Variants in ING3 observed in about 807,000 individuals in gnomAD.
ING3 encodes the protein inhibitor of growth protein 3.
ING3 carries 6 observed loss-of-function variants against 64.8 expected under a neutral mutation model. The ratio of observed to expected loss-of-function variants is 0.09; its 90% confidence interval spans 0.05 to 0.18. ING3 has a LOEUF of 0.18. Ranked by LOEUF, ING3 falls within the 10% of genes least tolerant of loss-of-function variation. The pLI, the probability that ING3 is intolerant of heterozygous loss-of-function variation, is 1.00. For synonymous variants in ING3, 170 were observed against 173.7 expected (o/e 0.98, Z 0.17); for missense variants, 310 against 489.7 (o/e 0.63, Z 3.46).
intron 4 of ING3, chr7:120,956,146 T>C (rs1441707480): frequency 6.3e-7 from 1 of 1,577,758 alleles, no homozygotes. Context: ...TTAAACAAGA[T>C]TCTTTTTTTG....
chr7:120,968,845 CAAA>C (rs377274991), intron 8 of ING3, among the ~76,000 whole-genome samples, 163 bp from the exon 9 acceptor site: 13 of 59,282 alleles, frequency 2.2e-4, no homozygotes, highest in African/African-American at 4.4e-4. Context: ...AACTCCACCT[CAAA>C]AAAAAAAAAA....
At chr7:120,967,732 A>G in intron 7 of ING3, 84 bp downstream of exon 7, 1 of 1,404,180 alleles carries the variant, frequency 7.1e-7, no homozygotes, top group South Asian at 1.4e-5. Flanking sequence ...TTAATGAATC[A>G]TACAGTTTCT....
At chr7:120,956,707 A>G (rs981326116) in intron 4 of ING3, 1 of 983,570 alleles carries the variant, frequency 1.0e-6, no homozygotes, top group Non-Finnish European at 1.2e-6. Flanking sequence ...AAAAGGTCTT[A>G]ATTGTTTCAG....
chr7:120,963,653 C>A, intron 4 of ING3, among the ~76,000 whole-genome samples: 1 of 152,116 alleles, frequency 6.6e-6, no homozygotes, highest in East Asian at 1.9e-4. Flanking sequence ...AAGATCAGAT[C>A]GAGGGCTAGA....
At chr7:120,952,547 A>G (rs1263139496) in intron 2 of ING3, among the ~76,000 whole-genome samples, 1 of 152,212 alleles carries the variant, frequency 6.6e-6, no homozygotes, top group Non-Finnish European at 1.5e-5. Context: ...AGAATTTTCT[A>G]AAGTTAATAG....
intron 11 of ING3, among the ~76,000 whole-genome samples, chr7:120,973,446 T>G (rs1238106036): frequency 6.6e-6 from 1 of 151,994 alleles, no homozygotes; most frequent in African/African-American, 2.4e-5. Context: ...TTAAAGCTAA[T>G]TTTATGGTTT....
intron 3 of ING3, among the ~76,000 whole-genome samples, chr7:120,954,744 T>A (rs1795820774): frequency 6.6e-6 from 1 of 152,038 alleles, no homozygotes. Flanking sequence ...TCTTTCCCCC[T>A]CTTTTTTAAA....
chr7:120,970,430 A>C (rs1041728749), intron 9 of ING3, among the ~76,000 whole-genome samples: 25 of 150,750 alleles, frequency 1.7e-4, no homozygotes, highest in South Asian at 2.1e-4. Context: ...GCGCCACTGC[A>C]CTCCAGTCTG....
At chr7:120,969,335 A>T (rs1366268766) in intron 9 of ING3, 131 bp downstream of exon 9, 4 of 540,890 alleles carry the variant, frequency 7.4e-6, no homozygotes, top group Non-Finnish European at 1.2e-5. Context: ...GTAGGGAGAC[A>T]TGCGGTTTTC....
intron 4 of ING3, among the ~76,000 whole-genome samples, chr7:120,963,029 G>A (rs1013923978): frequency 1.8e-4 from 27 of 152,110 alleles, no homozygotes; most frequent in African/African-American, 6.3e-4. Context: ...TATAATTGTA[G>A]GTACAAAAAG....
chr7:120,970,593 A>G (rs1334723729), intron 9 of ING3, 95 bp from the exon 10 acceptor site: 3 of 1,246,850 alleles, frequency 2.4e-6, no homozygotes, highest in Admixed American at 2.3e-5. Context: ...TAATTTATAC[A>G]TTTGATGTCA....
intron 10 of ING3, among the ~76,000 whole-genome samples, chr7:120,972,248 C>T (rs1796079256): frequency 6.6e-6 from 1 of 151,956 alleles, no homozygotes; most frequent in South Asian, 2.1e-4. Context: ...ATAATATTTT[C>T]TCCTAGTTTT....
In ING3 at chr7:120,976,867, AC is replaced by A. The variant is rs1562979280; in HGVS notation, c.*2025del. On this transcript the variant is annotated 3_prime_UTR_variant, in exon 12 of 12. Coordinates refer to ENST00000315870, the MANE Select transcript of ING3 (RefSeq NM_019071.3). Reference sequence around the variant, plus strand: ...TTATGAAGCATGTGTAAAGAAAGAAACCAAAATTTGGTGCAGGTATTTAGTA... The same window carrying A: ...TTATGAAGCATGTGTAAAGAAAGAAACAAAATTTGGTGCAGGTATTTAGTA... The A allele has an allele frequency of 1.3e-5, 2 of 152,330 alleles. No homozygotes were observed. Among genetic ancestry groups the A allele is most frequent in the Admixed American group, 1.3e-4 (2 of 15,304 alleles). 9.4% of individuals were successfully genotyped at this position (152,330 alleles called of 1,614,324 possible).
Position 120,953,411 on chromosome 7 carries a change from G to C in ING3, c.201+7G>C, listed in dbSNP as rs770923935. 1.3e-6 allele frequency: 2 copies of C among 1,512,762 alleles called. No homozygotes were observed. The highest frequency in any genetic ancestry group is 1.8e-6 in the Non-Finnish European group (2 of 1,096,308). The allele number at this position is 1,512,762 out of a possible 1,614,324, so 93.7% of individuals were successfully genotyped here. ...AATGGCATCCATCAAAAAAGTATGT[G>C]CAACACTTTGGATAATTTATCAAGA... On this transcript the variant is annotated splice_region_variant and intron_variant, in intron 3 of 11. Transcript: ENST00000315870.
intron 11 of ING3, among the ~76,000 whole-genome samples, chr7:120,973,465 G>A (rs1796095052): frequency 6.6e-6 from 1 of 150,746 alleles, no homozygotes; most frequent in Admixed American, 6.7e-5. Context: ...TTTATGTGCA[G>A]ATTGTCTCAG....
chr7:120,958,500 A>C (rs1457764533), intron 4 of ING3, among the ~76,000 whole-genome samples: 1 of 152,100 alleles, frequency 6.6e-6, no homozygotes, highest in Non-Finnish European at 1.5e-5. Flanking sequence ...CCACAGACTG[A>C]ACCTGATCAT....
chr7:120,973,742 A>T (rs1485777340), intron 11 of ING3, among the ~76,000 whole-genome samples: 1 of 152,162 alleles, frequency 6.6e-6, no homozygotes, highest in Non-Finnish European at 1.5e-5. Context: ...AAGTAAAGGA[A>T]ATTTGAAAGG....
intron 3 of ING3, among the ~76,000 whole-genome samples, chr7:120,954,853 G>A (rs925686913): frequency 2.6e-5 from 4 of 152,146 alleles, no homozygotes; most frequent in South Asian, 2.1e-4. Flanking sequence ...CTGGAAAATG[G>A]GGAAATGCAG....
chr7:120,966,173 A>G (rs1485647852), intron 5 of ING3, among the ~76,000 whole-genome samples: 2 of 152,146 alleles, frequency 1.3e-5, no homozygotes, highest in African/African-American at 2.4e-5. Context: ...GGAAGTCTTT[A>G]TTATCATAAT....
Sources: allele counts gnomAD v4.1 joint callset (sites outside exome capture counted in the v4.1 genomes callset), GRCh38; gene constraint gnomAD v4.1.1; transcripts MANE v1.5; gene names NCBI Gene and HGNC (gene_info 2026-07-23, HGNC 2026-07-21).